Variants in CDH18 observed in about 807,000 individuals in gnomAD.
The protein encoded by CDH18 is cadherin 18.
Under a neutral mutation model 67.9 loss-of-function variants are expected in CDH18, and 31 were observed. That is an observed-to-expected ratio of 0.46 (90% CI 0.34 to 0.62). CDH18 has a LOEUF of 0.62. CDH18 is among the 20% of genes least tolerant of loss of function. CDH18 has a pLI of 0.01. For missense variants in CDH18, 890 were observed against 975.5 expected (o/e 0.91, Z 1.17); for synonymous variants, 362 against 347.2 (o/e 1.04, Z -0.48).
At chr5:19,820,005 ACAAAGCTTT>A (rs1305376726) in intron 3 of CDH18, among the ~76,000 whole-genome samples, 6 of 152,090 alleles carry the variant, frequency 3.9e-5, no homozygotes, top group Admixed American at 2.0e-4. Flanking sequence ...GTCCCAGAGG[ACAAAGCTTT>A]CAAAGCTTTG....
intron 3 of CDH18, among the ~76,000 whole-genome samples, chr5:19,801,016 G>A (rs1777406297): frequency 6.6e-6 from 1 of 152,062 alleles, no homozygotes; most frequent in South Asian, 2.1e-4. Context: ...TACTCAGGAG[G>A]CTGAGGCAGG....
At chr5:19,799,642 A>G (rs894873690) in intron 3 of CDH18, among the ~76,000 whole-genome samples, 3 of 152,166 alleles carry the variant, frequency 2.0e-5, no homozygotes, top group African/African-American at 7.2e-5. Flanking sequence ...CTTTAAAAAG[A>G]TAACTTTGCT....
chr5:19,781,791 G>T (rs535494176), intron 3 of CDH18, among the ~76,000 whole-genome samples: 26 of 152,224 alleles, frequency 1.7e-4, no homozygotes, highest in African/African-American at 5.3e-4. Flanking sequence ...GGGAAGATTG[G>T]TGGCAGTCCC....
chr5:19,918,460 C>T (rs1175848960), intron 2 of CDH18, among the ~76,000 whole-genome samples: 1 of 152,124 alleles, frequency 6.6e-6, no homozygotes, highest in African/African-American at 2.4e-5. Context: ...ACAACAATTT[C>T]TCTGCAAATG....
chr5:19,733,777 T>C (rs1278434344), intron 4 of CDH18, among the ~76,000 whole-genome samples: 5 of 152,202 alleles, frequency 3.3e-5, no homozygotes, highest in African/African-American at 1.2e-4. Context: ...AGCAGACAGC[T>C]AATTAGCATC....
chr5:20,064,244 T>C (rs1398057289), intron 2 of CDH18, among the ~76,000 whole-genome samples: 1 of 152,130 alleles, frequency 6.6e-6, no homozygotes, highest in Non-Finnish European at 1.5e-5. Flanking sequence ...GAAAACACCA[T>C]GGTTGAAAGT....
At chr5:19,800,962 AC>A (rs542562492) in intron 3 of CDH18, among the ~76,000 whole-genome samples, 169 of 152,254 alleles carry the variant, frequency 1.1e-3, no homozygotes, top group Non-Finnish European at 2.1e-3. Context: ...TTATTAAAAT[AC>A]AAAAAATTAG....
intron 5 of CDH18, among the ~76,000 whole-genome samples, chr5:19,666,556 T>G (rs887077738): frequency 9.9e-5 from 15 of 152,014 alleles, no homozygotes; most frequent in African/African-American, 3.6e-4. Context: ...CCCGAGGAAA[T>G]TATGGCCATT....
chr5:20,325,401 G>A (rs553958502), intron 1 of CDH18, among the ~76,000 whole-genome samples: 1 of 151,966 alleles, frequency 6.6e-6, no homozygotes, highest in Non-Finnish European at 1.5e-5. Flanking sequence ...TCAAAAACTT[G>A]TTCCATGGGC....
intron 2 of CDH18, among the ~76,000 whole-genome samples, chr5:19,860,433 CTTT>C (rs550783407): frequency 0.013 from 1,906 of 142,454 alleles, 40 homozygotes; most frequent in African/African-American, 0.046. Flanking sequence ...TCTTCTTCTT[CTTT>C]TTTTTTTTTC....
At chr5:20,525,402 G>A (rs994024946) in intron 1 of CDH18, among the ~76,000 whole-genome samples, 11 of 152,036 alleles carry the variant, frequency 7.2e-5, no homozygotes, top group African/African-American at 2.7e-4. Flanking sequence ...ACTTATGCAG[G>A]CCGCAGAATT....
intron 2 of CDH18, among the ~76,000 whole-genome samples, chr5:19,902,582 A>G (rs113505968): frequency 2.0e-5 from 3 of 152,146 alleles, no homozygotes; most frequent in Admixed American, 6.6e-5. Flanking sequence ...AGGACAAGCA[A>G]CTCCAGCCAA....
intron 1 of CDH18, among the ~76,000 whole-genome samples, chr5:20,284,928 T>C (rs1746570138): frequency 6.6e-6 from 1 of 151,872 alleles, no homozygotes; most frequent in Admixed American, 6.6e-5. Context: ...TATAATTCAA[T>C]TTAATGGGTT....
chr5:19,947,585 CAAAAAAAAAAAAAAAAAAAA>C (rs35601486), intron 2 of CDH18, among the ~76,000 whole-genome samples: 2 of 53,296 alleles, frequency 3.8e-5, no homozygotes, highest in Non-Finnish European at 8.7e-5. Flanking sequence ...TACTAAAATA[CAAAAAAAAAAAAAAAAAAAA>C]AAAAAAAAAA....
chr5:20,529,960 C>A (rs148355308), intron 1 of CDH18, among the ~76,000 whole-genome samples: 1 of 151,978 alleles, frequency 6.6e-6, no homozygotes, highest in East Asian at 1.9e-4. Context: ...TCTTTGTTTG[C>A]AGATGACATG....
chr5:20,002,396 T>C (rs1736522096), intron 2 of CDH18, among the ~76,000 whole-genome samples: 1 of 152,238 alleles, frequency 6.6e-6, no homozygotes, highest in Non-Finnish European at 1.5e-5. Flanking sequence ...ATTTGGTTCA[T>C]TGCCTTTAAT....
chr5:19,838,776 G>T lies in CDH18; in HGVS notation c.211C>A (p.Pro71Thr). Reference protein sequence around the residue: ...FVLEEHMGPDPQYVGKLHSNS... With the variant: ...FVLEEHMGPDTQYVGKLHSNS... ...AATCTTACCTTTCCAACATACTGAG[G>T]ATCTGGTCCCATATGTTCTTCTAAA... The change falls in exon 3 of 13, where the codon CCT (proline) becomes ACT (threonine). Residue 71 changes from proline to threonine, a missense_variant. Pro to Thr is a conservative substitution (Grantham distance 38). Coordinates refer to ENST00000382275, the MANE Select transcript of CDH18 (RefSeq NM_004934.5). 6.2e-7 allele frequency: 1 copy of T among 1,610,568 alleles called. No homozygotes were observed. The highest frequency in any genetic ancestry group is 1.1e-5 in the South Asian group (1 of 91,016).
At chr5:19,688,738 T>C (rs1006115971) in intron 5 of CDH18, among the ~76,000 whole-genome samples, 5 of 151,864 alleles carry the variant, frequency 3.3e-5, no homozygotes, top group African/African-American at 9.7e-5. Context: ...AATAATGATA[T>C]TAAAGAAGTT....
At chr5:19,789,456 T>G (rs1776141635) in intron 3 of CDH18, among the ~76,000 whole-genome samples, 1 of 152,170 alleles carries the variant, frequency 6.6e-6, no homozygotes, top group Admixed American at 6.6e-5. Context: ...ATAATTTCAG[T>G]TCTTCCATGT....
Sources: gnomAD v4.1 joint callset for allele counts (sites outside exome capture counted in the v4.1 genomes callset) on GRCh38, gnomAD v4.1.1 for gene constraint, MANE v1.5 for transcripts, NCBI Gene and HGNC (gene_info 2026-07-23, HGNC 2026-07-21) for gene names.